The following JADE3 variants were observed in gnomAD, a reference collection of about 807,000 sequenced individuals.
JADE3 encodes protein Jade-3.
JADE3 carries 2 observed loss-of-function variants against 50.1 expected under a neutral mutation model. That is an observed-to-expected ratio of 0.04 (90% CI 0.02 to 0.13). The LOEUF is 0.13. Among genes scored for constraint, JADE3 ranks in the 10% least tolerant of loss-of-function variants. The pLI, the probability that JADE3 is intolerant of heterozygous loss-of-function variation, is 1.00. For synonymous variants in JADE3, 218 were observed against 232.9 expected, an observed-to-expected ratio of 0.94 and a Z score of 0.58; for missense variants, 475 against 634.4, an observed-to-expected ratio of 0.75 and a Z score of 2.70.
chrX:47,036,870 AAC>A (rs1929142758), intron 7 of JADE3, among the ~76,000 whole-genome samples: 1 of 80,448 alleles, frequency 1.2e-5, no homozygotes, highest in Non-Finnish European at 2.4e-5. Flanking sequence ...CAAAAAACCA[AAC>A]ACCGCATATT....
chrX:47,012,734 A>G (rs1404733873), intron 4 of JADE3, among the ~76,000 whole-genome samples: 1 of 111,477 alleles, frequency 9.0e-6, no homozygotes, highest in African/African-American at 3.3e-5. Flanking sequence ...TTTTCTTCTA[A>G]GAATTTTATA....
intron 1 of JADE3, among the ~76,000 whole-genome samples, chrX:46,962,477 TAGAG>T (rs1217522884): frequency 9.0e-6 from 1 of 111,241 alleles, no homozygotes. Flanking sequence ...GAGATGTAGG[TAGAG>T]AGACCTAATA....
Position 47,027,971 on chromosome X carries a change from T to C in JADE3, c.555T>C (p.His185=). The stretch of plus-strand genomic sequence containing the variant: ...GCCATTGCCATGAAAATATGAACCA[T>C]GCTATTGAGACAGAGGAAGGGCTAG... The part of the protein sequence containing the change: ...LERHCHENMN[H]AIETEEGLGI... The change falls in exon 6 of 11, where the codon CAT becomes CAC. Residue 185 remains histidine (H), a synonymous_variant. Coordinates refer to ENST00000614628, the MANE Select transcript of JADE3 (RefSeq NM_014735.5). The C allele has an allele frequency of 1.7e-6, 2 of 1,208,559 alleles. No individual in the cohort carries two copies. The highest frequency in any genetic ancestry group is 2.2e-6 in the Non-Finnish European group (2 of 892,972).
chrX:47,033,845 C>CA (rs1929074239), intron 7 of JADE3, 57 bp downstream of exon 7: 1 of 990,675 alleles, frequency 1.0e-6, no homozygotes, highest in Non-Finnish European at 1.4e-6. Context: ...CTGTTCCCCA[C>CA]AGCATTCAGA....
At chrX:46,993,642 TTC>T (rs782088730) in intron 3 of JADE3, among the ~76,000 whole-genome samples, 15 of 112,182 alleles carry the variant, frequency 1.3e-4, no homozygotes, top group Non-Finnish European at 2.4e-4. Context: ...CATCAAAACG[TTC>T]TGTTTATTCT....
At chrX:46,993,446 G>A (rs182592539) in intron 3 of JADE3, among the ~76,000 whole-genome samples, 57 of 112,067 alleles carry the variant, frequency 5.1e-4, no homozygotes, top group Non-Finnish European at 9.8e-4. Flanking sequence ...AGAATAATTT[G>A]CAAAGCAGCC....
At chrX:47,003,823 T>C (rs1752161548) in intron 4 of JADE3, among the ~76,000 whole-genome samples, 1 of 101,723 alleles carries the variant, frequency 9.8e-6, no homozygotes, top group Non-Finnish European at 2.0e-5. Context: ...ACCAAAATTA[T>C]AAATTTATAT....
rs1035685354 is a variant in JADE3, at chrX:46,993,548, G to T, written c.127-4572G>T. Among the ~76,000 whole-genome samples the T allele has an allele frequency of 4.5e-5, 5 of 111,743 alleles. No homozygotes were observed. In the Admixed American group the frequency reaches 4.8e-4, roughly 11 times the overall value. ...TCCGTTATACCTCTGTTTGATATGGGGGAAAGGGAATAATCCAACTTAAGC... is the reference window on the plus strand; with the variant it reads ...TCCGTTATACCTCTGTTTGATATGGTGGAAAGGGAATAATCCAACTTAAGC... On this transcript the variant is annotated intron_variant, in intron 3 of 10. Coordinates refer to ENST00000614628, the MANE Select transcript of JADE3 (RefSeq NM_014735.5).
chrX:46,975,714 C>CTTTTTCT (rs1927604844), intron 1 of JADE3, among the ~76,000 whole-genome samples: 1 of 40,524 alleles, frequency 2.5e-5, no homozygotes, highest in Non-Finnish European at 3.9e-5. Context: ...TTTTCTTTTT[C>CTTTTTCT]TTTTTTTTTT....
At chrX:46,913,309 G>A (rs1926007486) in intron 1 of JADE3, among the ~76,000 whole-genome samples, 1 of 110,261 alleles carries the variant, frequency 9.1e-6, no homozygotes, top group Non-Finnish European at 1.9e-5. Flanking sequence ...GGGAAGCCCG[G>A]GTGCCCACCC....
At chrX:47,017,907 T>C (rs1556363307) in intron 4 of JADE3, among the ~76,000 whole-genome samples, 1 of 111,909 alleles carries the variant, frequency 8.9e-6, no homozygotes, top group Non-Finnish European at 1.9e-5. Context: ...GAACTACTGA[T>C]CTTCCCAAAC....
intron 1 of JADE3, among the ~76,000 whole-genome samples, chrX:46,913,478 G>T (rs1245646544): frequency 2.7e-5 from 3 of 111,921 alleles, no homozygotes; most frequent in Non-Finnish European, 5.7e-5. Flanking sequence ...TTTTCCCACC[G>T]CTGGGCACGG....
chrX:46,973,087 A>G (rs782096190), intron 1 of JADE3, among the ~76,000 whole-genome samples: 99 of 112,068 alleles, frequency 8.8e-4, no homozygotes, highest in Non-Finnish European at 1.6e-3. Context: ...ACACTTCCCA[A>G]CCTGGCCTTC....
intron 4 of JADE3, among the ~76,000 whole-genome samples, chrX:47,018,568 T>G (rs2146971934): frequency 9.0e-6 from 1 of 111,730 alleles, no homozygotes; most frequent in African/African-American, 3.2e-5. Flanking sequence ...TCTCCTGACC[T>G]CGTGATCCAC....
intron 1 of JADE3, among the ~76,000 whole-genome samples, chrX:46,936,497 G>A (rs1303126822): frequency 1.8e-5 from 2 of 111,573 alleles, no homozygotes; most frequent in African/African-American, 6.5e-5. Flanking sequence ...CATAAAATGA[G>A]TTGGGAAAGC....
intron 1 of JADE3, among the ~76,000 whole-genome samples, chrX:46,934,280 C>T (rs1253638856): frequency 7.4e-5 from 8 of 107,730 alleles, no homozygotes; most frequent in Non-Finnish European, 1.2e-4. Flanking sequence ...GGACTACAGG[C>T]GCACACCACC....
chrX:46,916,081 GAC>G (rs1463131062), intron 1 of JADE3, among the ~76,000 whole-genome samples: 1 of 111,622 alleles, frequency 9.0e-6, no homozygotes, highest in African/African-American at 3.3e-5. Flanking sequence ...TTTGTTTTGA[GAC>G]ACATGACAAG....
At chrX:46,917,856 A>ATCCTCTCTCTCTCTCTCTCTCTCTCTCT (rs1926132616) in intron 1 of JADE3, among the ~76,000 whole-genome samples, 1 of 8,085 alleles carries the variant, frequency 1.2e-4, no homozygotes, top group Non-Finnish European at 3.3e-4. Flanking sequence ...TCTCTCTCTC[A>ATCCTCTCTCTCTCTCTCTCTCTCTCTCT]TCCTCTCTCT....
intron 4 of JADE3, among the ~76,000 whole-genome samples, chrX:47,012,452 A>T (rs1018559143): frequency 2.7e-5 from 3 of 110,738 alleles, no homozygotes; most frequent in Non-Finnish European, 5.7e-5. Flanking sequence ...ATGGTGGCGC[A>T]TACCTATAGT....
Sources: gnomAD v4.1 joint callset for allele counts (sites outside exome capture counted in the v4.1 genomes callset) on GRCh38, gnomAD v4.1.1 for gene constraint, MANE v1.5 for transcripts, NCBI Gene and HGNC (gene_info 2026-07-23, HGNC 2026-07-21) for gene names.